Variants in TJP1 observed in about 807,000 individuals in gnomAD.
TJP1 encodes the protein tight junction protein ZO-1.
In TJP1, 43 loss-of-function variants were observed where a neutral mutation model predicts 194.2. The ratio of observed to expected loss-of-function variants is 0.22; its 90% CI spans 0.17 to 0.29. The LOEUF is 0.29. Ranked by LOEUF, TJP1 falls within the 10% of genes least tolerant of loss-of-function variation. The pLI is 1.00. For missense variants in TJP1, 1,971 were observed against 2,185.7 expected, an observed-to-expected ratio of 0.90 and a Z score of 1.96; for synonymous variants, 801 against 779.0, an observed-to-expected ratio of 1.03 and a Z score of -0.47.
upstream of TJP1, among the ~76,000 whole-genome samples, chr15:29,826,651 T>C (rs1269235830): frequency 6.6e-6 from 1 of 152,132 alleles, no homozygotes; most frequent in Non-Finnish European, 1.5e-5. Context: ...GTGTCCTCTT[T>C]CTGTATCATC....
chr15:29,915,893 T>C (rs1567193258), intron 2 of TJP1, among the ~76,000 whole-genome samples: 1 of 152,228 alleles, frequency 6.6e-6, no homozygotes, highest in South Asian at 2.1e-4. Context: ...AAGAAACTTG[T>C]CCTTTTATTG....
At chr15:29,789,753 A>G (rs1337934716) in intron 2 of TJP1, among the ~76,000 whole-genome samples, 2 of 152,184 alleles carry the variant, frequency 1.3e-5, no homozygotes. Flanking sequence ...GGCAATACAG[A>G]GTATCTATAC....
intron 27 of TJP1, among the ~76,000 whole-genome samples, chr15:29,703,770 G>A (rs1181702518): frequency 2.0e-5 from 3 of 151,946 alleles, no homozygotes; most frequent in African/African-American, 7.2e-5. Flanking sequence ...AGCCTCCCGA[G>A]TAGCTGGGAT....
chr15:29,968,377 G>C (rs573778144), intron 1 of TJP1: 2 of 985,238 alleles, frequency 2.0e-6, no homozygotes, highest in African/African-American at 3.5e-5. Context: ...CCGACGCCCG[G>C]GTGCGGGTGC....
At chr15:29,712,640 C>T (rs148941558) in intron 23 of TJP1, among the ~76,000 whole-genome samples, 7 of 152,112 alleles carry the variant, frequency 4.6e-5, no homozygotes, top group African/African-American at 1.7e-4. Context: ...GCTGGCCCAT[C>T]CTTCATGTAC....
At position 29,950,237 on chromosome 15, in the gene TJP1, A is replaced by T. The variant is rs546972680; in HGVS notation, c.306+5995T>A. On this transcript the variant is annotated intron_variant, in intron 2 of 28. Coordinates refer to the TJP1 transcript ENST00000356107. ...CTTTACCACCGCTACCTCCACCACC[A>T]CCACCTCCTTCACTACCACCTCTAT... Among the ~76,000 whole-genome samples, 140 of 134,776 alleles carry T rather than the reference A, an allele frequency of 1.0e-3. 2 individuals are homozygous for T. The highest frequency in any genetic ancestry group is 1.8e-3 in the Non-Finnish European group (116 of 63,172). 88.4% of individuals were successfully genotyped at this position (134,776 alleles called of 152,430 possible).
At position 29,726,251 on chromosome 15, in the gene TJP1, A is replaced by T; in HGVS notation, c.2412+128T>A. On this transcript the variant is annotated intron_variant, in intron 18 of 27. Coordinates refer to ENST00000614355, the MANE Select transcript of TJP1 (RefSeq NM_001330239.4). The stretch of plus-strand genomic sequence containing the variant: ...CCCTACACACAAATTATAAAAACCT[A>T]AAAGCTAACTTTCCCCAAATTTCTC... The T allele has an allele frequency of 2.6e-6, 2 of 784,084 alleles. 1 individual carries two copies. The highest frequency in any genetic ancestry group is 3.3e-5 in the South Asian group (2 of 61,274). 48.6% of individuals were successfully genotyped at this position (784,084 alleles called of 1,614,324 possible).
chr15:29,783,740 T>C lies in TJP1; in HGVS notation c.85-10383A>G, dbSNP rs577746091. Among the ~76,000 whole-genome samples the C allele has an allele frequency of 1.8e-4, 28 of 152,334 alleles. No homozygotes were observed. The South Asian group carries it at 5.4e-3, about 29-fold the overall frequency. ...ACCAAACACTGCATGTTCTCACTTA[T>C]AAGCGGGAGCTAAATTATGAGAACA... is the stretch of plus-strand genomic sequence containing the variant. On this transcript the variant is annotated intron_variant, in intron 2 of 27. Transcript: ENST00000614355.
chr15:29,726,354 A>G (rs763795812), intron 18 of TJP1, 25 bp downstream of exon 18: 11 of 1,597,770 alleles, frequency 6.9e-6, no homozygotes, highest in Middle Eastern at 3.3e-4. Flanking sequence ...TGAACAAGTC[A>G]AAAAAGTAAT....
At chr15:29,719,649 T>G in intron 20 of TJP1, 128 bp downstream of exon 20, 2 of 1,199,576 alleles carry the variant, frequency 1.7e-6, no homozygotes, top group Non-Finnish European at 2.3e-6. Context: ...TTGTATTGAT[T>G]TGAAAGCATT....
At chr15:29,892,403 A>G (rs1287192096) in intron 2 of TJP1, among the ~76,000 whole-genome samples, 1 of 152,248 alleles carries the variant, frequency 6.6e-6, no homozygotes, top group Non-Finnish European at 1.5e-5. Flanking sequence ...AAGATCTGGT[A>G]TGATAATTGA....
At chr15:29,892,404 T>C (rs755485563) in intron 2 of TJP1, among the ~76,000 whole-genome samples, 17 of 152,340 alleles carry the variant, frequency 1.1e-4, no homozygotes, top group Non-Finnish European at 1.8e-4. Flanking sequence ...AGATCTGGTA[T>C]GATAATTGAT....
At chr15:29,830,323 TATG>T (rs1464051251) in intron 2 of TJP1, among the ~76,000 whole-genome samples, 2 of 150,164 alleles carry the variant, frequency 1.3e-5, no homozygotes, top group African/African-American at 4.9e-5. Context: ...ATATTATTTA[TATG>T]ATAAATGTAT....
chr15:29,765,694 C>T (rs146198452), intron 5 of TJP1, among the ~76,000 whole-genome samples: 158 of 152,220 alleles, frequency 1.0e-3, no homozygotes, highest in Non-Finnish European at 2.0e-3. Flanking sequence ...AATTTGAGAA[C>T]AGCTTGGGCA....
chr15:29,874,779 ACAC>A (rs994264361), intron 2 of TJP1, among the ~76,000 whole-genome samples: 1 of 152,242 alleles, frequency 6.6e-6, no homozygotes, highest in African/African-American at 2.4e-5. Flanking sequence ...TGGCTTTTAA[ACAC>A]CACAACTTAA....
rs376287095 is a variant in TJP1 at position 29,726,360 on chromosome 15, G to C, written c.2412+19C>G. On this transcript the variant is annotated intron_variant, in intron 18 of 27. Transcript: ENST00000614355. ...ATAATTTACTGAACAAGTCAAAAAA[G>C]TAATAGGAAATGTCTTACCTTTCCC... 3.7e-6 allele frequency: 6 copies of C among 1,603,896 alleles called. No individual in the cohort carries two copies. The highest frequency in any genetic ancestry group is 1.1e-5 in the South Asian group (1 of 90,728).
intron 2 of TJP1, among the ~76,000 whole-genome samples, chr15:29,852,925 C>T (rs1042898982): frequency 2.6e-5 from 4 of 151,168 alleles, no homozygotes; most frequent in Non-Finnish European, 5.9e-5. Flanking sequence ...AACAAAAAAA[C>T]TTAGGTTCAC....
intron 18 of TJP1, among the ~76,000 whole-genome samples, chr15:29,724,274 G>C (rs1038932187): frequency 1.3e-5 from 2 of 152,218 alleles, no homozygotes; most frequent in South Asian, 2.1e-4. Context: ...GCTGGGGAGA[G>C]TGGGAATCCA....
At chr15:29,763,694 G>C (rs1242842524) in intron 5 of TJP1, among the ~76,000 whole-genome samples, 1 of 151,662 alleles carries the variant, frequency 6.6e-6, no homozygotes, top group Non-Finnish European at 1.5e-5. Context: ...TTGAACCTGG[G>C]AGGCAGAGGT....
Sources: allele counts gnomAD v4.1 joint callset (sites outside exome capture counted in the v4.1 genomes callset), GRCh38; gene constraint gnomAD v4.1.1; transcripts MANE v1.5; gene names NCBI Gene and HGNC (gene_info 2026-07-23, HGNC 2026-07-21).